Variants in THSD7B observed in about 807,000 individuals in gnomAD.
THSD7B encodes the protein thrombospondin type-1 domain-containing protein 7B.
Under a neutral mutation model 213.6 loss-of-function variants are expected in THSD7B, and 138 were observed. The ratio of observed to expected loss-of-function variants is 0.65; its 90% CI spans 0.56 to 0.74. THSD7B has a LOEUF of 0.74. THSD7B is among the 30% of genes least tolerant of loss of function. The pLI, the probability that THSD7B is intolerant of heterozygous loss-of-function variation, is 0.00. For missense variants in THSD7B, 1,931 were observed against 1,991.5 expected, an observed-to-expected ratio of 0.97 and a Z score of 0.58; for synonymous variants, 742 against 687.0, an observed-to-expected ratio of 1.08 and a Z score of -1.25.
intron 2 of THSD7B, among the ~76,000 whole-genome samples, chr2:136,972,174 G>A (rs753138731): frequency 1.3e-5 from 2 of 152,134 alleles, no homozygotes; most frequent in Non-Finnish European, 2.9e-5. Flanking sequence ...CAGGGTAGAC[G>A]TTGGGTAGGC....
intron 2 of THSD7B, among the ~76,000 whole-genome samples, chr2:137,033,220 C>T (rs1026573805): frequency 6.6e-6 from 1 of 152,176 alleles, no homozygotes; most frequent in Non-Finnish European, 1.5e-5. Context: ...CTGTTCTAGG[C>T]CGAACTTGCT....
At chr2:137,475,669 A>G (rs569154039) in intron 15 of THSD7B, among the ~76,000 whole-genome samples, 2 of 152,290 alleles carry the variant, frequency 1.3e-5, no homozygotes, top group East Asian at 3.9e-4. Flanking sequence ...TTTATGGCTG[A>G]ATAACATATA....
At chr2:137,487,263 G>A (rs952435139) in intron 15 of THSD7B, among the ~76,000 whole-genome samples, 2 of 147,072 alleles carry the variant, frequency 1.4e-5, no homozygotes, top group African/African-American at 5.3e-5. Context: ...AGCTACTGGG[G>A]AGGCTGAGGC....
intron 18 of THSD7B, 57 bp downstream of exon 18, chr2:137,616,373 T>C (rs1682387178): frequency 6.6e-7 from 1 of 1,516,444 alleles, no homozygotes; most frequent in South Asian, 1.2e-5. Flanking sequence ...AATGAGAGAA[T>C]TTTTGCGTGG....
intron 2 of THSD7B, among the ~76,000 whole-genome samples, chr2:136,919,518 C>A (rs1042748228): frequency 6.6e-6 from 1 of 152,218 alleles, no homozygotes; most frequent in Non-Finnish European, 1.5e-5. Flanking sequence ...TCTAAATGTA[C>A]AGCATCTTTC....
At chr2:137,518,003 A>T (rs985277296) in intron 15 of THSD7B, among the ~76,000 whole-genome samples, 2 of 152,172 alleles carry the variant, frequency 1.3e-5, no homozygotes, top group Admixed American at 1.3e-4. Flanking sequence ...GGTCATGCAC[A>T]GCAGCATTAA....
At chr2:137,373,868 T>A (rs559400664) in intron 12 of THSD7B, among the ~76,000 whole-genome samples, 1 of 152,340 alleles carries the variant, frequency 6.6e-6, no homozygotes, top group East Asian at 1.9e-4. Context: ...CTTGAATTAA[T>A]TTTTGTATAA....
At chr2:137,225,845 C>A (rs1254009855) in intron 7 of THSD7B, among the ~76,000 whole-genome samples, 1 of 148,546 alleles carries the variant, frequency 6.7e-6, no homozygotes, top group African/African-American at 2.4e-5. Context: ...CAAGCAGAGA[C>A]ATTAATTGTG....
Position 137,194,434 on chromosome 2 carries a change from A to C in THSD7B, c.1723+23496A>C, listed in dbSNP as rs1278586106. 3.3e-5 allele frequency among the ~76,000 whole-genome samples: 5 copies of C among 152,230 alleles called. No individual in the cohort carries two copies. In the East Asian group the frequency reaches 9.6e-4, roughly 29 times the overall value. On this transcript the variant is annotated intron_variant, in intron 7 of 27. Coordinates refer to ENST00000409968, the MANE Select transcript of THSD7B (RefSeq NM_001316349.2). ...TTAAAAACCCACACATGATCTGAGT[A>C]AGCAGTCTTGGAAAAATAAAGCTCC...
At chr2:137,563,585 A>G (rs1213743370) in intron 16 of THSD7B, among the ~76,000 whole-genome samples, 4 of 152,088 alleles carry the variant, frequency 2.6e-5, no homozygotes, top group African/African-American at 4.8e-5. Context: ...TGCAAATGAC[A>G]TTGGTGCGAG....
At chr2:137,424,080 C>T (rs939236965) in intron 14 of THSD7B, among the ~76,000 whole-genome samples, 27 of 151,128 alleles carry the variant, frequency 1.8e-4, no homozygotes, top group Admixed American at 1.6e-3. Context: ...ATCTCTTTAA[C>T]AAATGGTGCT....
intron 2 of THSD7B, among the ~76,000 whole-genome samples, chr2:136,890,407 C>CTCTTCCTCT (rs1683810939): frequency 2.6e-3 from 1 of 390 alleles, no homozygotes; most frequent in African/African-American, 3.4e-3. Flanking sequence ...CTTCCTCTTC[C>CTCTTCCTCT]TCTTCTTCTT....
chr2:137,069,573 G>C (rs1687441983), intron 3 of THSD7B, among the ~76,000 whole-genome samples: 1 of 151,920 alleles, frequency 6.6e-6, no homozygotes, highest in Non-Finnish European at 1.5e-5. Flanking sequence ...TTAGTTAAAT[G>C]AATGCACTGT....
chr2:137,193,175 G>A (rs921302433), intron 7 of THSD7B, among the ~76,000 whole-genome samples: 14 of 152,082 alleles, frequency 9.2e-5, no homozygotes, highest in African/African-American at 1.7e-4. Context: ...ACCCTGCCAC[G>A]CCAGGGGTTA....
intron 20 of THSD7B, among the ~76,000 whole-genome samples, chr2:137,633,065 A>G (rs1007462089): frequency 1.3e-5 from 2 of 152,224 alleles, no homozygotes; most frequent in African/African-American, 4.8e-5. Context: ...TTTGCAGATC[A>G]GGACTGTAAT....
intron 12 of THSD7B, among the ~76,000 whole-genome samples, chr2:137,400,322 G>A (rs991871036): frequency 4.6e-5 from 7 of 151,632 alleles, no homozygotes; most frequent in Non-Finnish European, 1.0e-4. Context: ...TGATTTTTGT[G>A]TGTTTGCATT....
rs201873408 is a variant in THSD7B at position 136,979,879 on chromosome 2, A to AT, written c.140-76533dup. ...TTTAATTTTCAGCGTGTTTGCATTGATTTTTTTTCTCATCTTCATGGGTTT... is the reference window on the plus strand; with the variant it reads ...TTTAATTTTCAGCGTGTTTGCATTGATTTTTTTTTCTCATCTTCATGGGTTT... On this transcript the variant is annotated intron_variant, in intron 2 of 27. Transcript: ENST00000409968. 7.4e-3 allele frequency among the ~76,000 whole-genome samples: 1,126 copies of AT among 151,284 alleles called. 17 individuals are homozygous for AT. The highest frequency in any genetic ancestry group is 0.025 in the African/African-American group (1,045 of 41,222).
chr2:137,584,756 T>C (rs1487900773), intron 17 of THSD7B, among the ~76,000 whole-genome samples: 1 of 152,198 alleles, frequency 6.6e-6, no homozygotes, highest in East Asian at 1.9e-4. Context: ...TATTGAGGAT[T>C]TTTGCATCGA....
Position 137,100,991 on chromosome 2 carries a change from A to T in THSD7B, c.1199+5870A>T, listed in dbSNP as rs563550503. On this transcript the variant is annotated intron_variant, in intron 4 of 27. Transcript: ENST00000409968. ...TGTCCAAGTTTTCCTTCTAGCACAC[A>T]CATCACTTGTTACATCTTTTAAATC... Among the ~76,000 whole-genome samples, 5 of 152,284 alleles carry T rather than the reference A, an allele frequency of 3.3e-5. No individual in the cohort carries two copies. The East Asian group carries it at 9.7e-4, about 29-fold the overall frequency.
Sources: gnomAD v4.1 joint callset for allele counts (sites outside exome capture counted in the v4.1 genomes callset) on GRCh38, gnomAD v4.1.1 for gene constraint, MANE v1.5 for transcripts, NCBI Gene and HGNC (gene_info 2026-07-23, HGNC 2026-07-21) for gene names.